The following TPTE variants were observed in gnomAD, a reference collection of about 807,000 sequenced individuals.
TPTE encodes putative tyrosine-protein phosphatase TPTE.
TPTE carries 59 observed loss-of-function variants against 84.1 expected under a neutral mutation model. The ratio of observed to expected loss-of-function variants is 0.70; its 90% CI spans 0.57 to 0.87. TPTE has a LOEUF of 0.87. Ranked by LOEUF, TPTE falls within the 40% of genes least tolerant of loss-of-function variation. The pLI is 0.00. For missense variants in TPTE, 382 were observed against 659.6 expected, an observed-to-expected ratio of 0.58 and a Z score of 4.61; for synonymous variants, 130 against 223.5, an observed-to-expected ratio of 0.58 and a Z score of 3.73.
At chr21:10,521,897 C>G (rs2073983747) in intron 1 of TPTE, among the ~76,000 whole-genome samples, 1 of 152,276 alleles carries the variant, frequency 6.6e-6, no homozygotes, top group Non-Finnish European at 1.5e-5. Context: ...GAGAAAAACT[C>G]CGCGACGCCT....
At chr21:10,595,073 C>T (rs1173333682) in intron 19 of TPTE, among the ~76,000 whole-genome samples, 7 of 152,404 alleles carry the variant, frequency 4.6e-5, no homozygotes, top group South Asian at 2.1e-4. Flanking sequence ...GACAGAGTCT[C>T]GCTCTGTCGC....
At chr21:10,581,297 G>T (rs4107028) in intron 17 of TPTE, among the ~76,000 whole-genome samples, 1 of 152,312 alleles carries the variant, frequency 6.6e-6, no homozygotes, top group South Asian at 2.1e-4. Context: ...ATTTCACATT[G>T]TCCAACCTAA....
intron 23 of TPTE, among the ~76,000 whole-genome samples, chr21:10,604,244 T>C (rs1422124311): frequency 6.6e-6 from 1 of 152,022 alleles, no homozygotes; most frequent in East Asian, 1.9e-4. Context: ...CAAAAAAACC[T>C]TCTGCCATAT....
At chr21:10,556,367 T>C (rs1163807093) in intron 8 of TPTE, among the ~76,000 whole-genome samples, 2 of 152,312 alleles carry the variant, frequency 1.3e-5, no homozygotes, top group Non-Finnish European at 2.9e-5. Context: ...ACAAAGGACA[T>C]GAACTCATCC....
At chr21:10,600,126 A>AT (rs1454812954) in intron 21 of TPTE, among the ~76,000 whole-genome samples, 1 of 150,110 alleles carries the variant, frequency 6.7e-6, no homozygotes, top group Admixed American at 6.6e-5. Flanking sequence ...TGTTTTTCCA[A>AT]TTTTTTTCTT....
intron 8 of TPTE, among the ~76,000 whole-genome samples, chr21:10,559,000 A>G (rs1169013935): frequency 6.6e-6 from 1 of 152,306 alleles, no homozygotes; most frequent in African/African-American, 2.4e-5. Context: ...CTCATATGTG[A>G]CTCATCTGTT....
intron 10 of TPTE, among the ~76,000 whole-genome samples, chr21:10,563,076 C>T (rs1334242395): frequency 1.4e-4 from 21 of 152,418 alleles, no homozygotes; most frequent in Middle Eastern, 3.4e-3. Flanking sequence ...TTAGTAGAAA[C>T]GTTTCAGGCC....
At chr21:10,562,384 G>A (rs1225537660) in intron 10 of TPTE, among the ~76,000 whole-genome samples, 1 of 152,308 alleles carries the variant, frequency 6.6e-6, no homozygotes, top group Non-Finnish European at 1.5e-5. Flanking sequence ...CACTATCCAG[G>A]AAAACATGAC....
chr21:10,551,017 GAAATT>G (rs150274534), intron 7 of TPTE, among the ~76,000 whole-genome samples: 2,291 of 151,312 alleles, frequency 0.015, no homozygotes, highest in East Asian at 0.15. Context: ...AGTGAAGAAA[GAAATT>G]AAGAATGAAA....
intron 2 of TPTE, among the ~76,000 whole-genome samples, chr21:10,525,203 A>T (rs2074057182): frequency 6.6e-6 from 1 of 152,312 alleles, no homozygotes; most frequent in Non-Finnish European, 1.5e-5. Flanking sequence ...GGTTTTTATT[A>T]GTGAAATTGG....
At chr21:10,580,168 C>G (rs2075245787) in intron 17 of TPTE, among the ~76,000 whole-genome samples, 1 of 152,308 alleles carries the variant, frequency 6.6e-6, no homozygotes, top group African/African-American at 2.4e-5. Context: ...TGAGAAATAT[C>G]TTTTCAGGTT....
chr21:10,599,649 C>T (rs1422826911), intron 21 of TPTE, among the ~76,000 whole-genome samples: 15 of 152,386 alleles, frequency 9.8e-5, no homozygotes, highest in East Asian at 5.8e-4. Flanking sequence ...TTTTCAACAA[C>T]GTCACTCTTA....
Position 10,538,745 on chromosome 21 carries a change from C to CGT in TPTE, c.11+12_11+13dup, listed in dbSNP as rs2074313229. ...ACGTATGAATGAAAGGTGAGTTATG[C>CGT]GTACGTGTGTCTTTATTTATCGAAT... On this transcript the variant is annotated intron_variant, in intron 4 of 23. Coordinates refer to ENST00000618007, the MANE Select transcript of TPTE (RefSeq NM_199261.4). The CGT allele has an allele frequency of 6.2e-7, 1 of 1,613,852 alleles. No individual in the cohort carries two copies. The highest frequency in any genetic ancestry group is 8.5e-7 in the Non-Finnish European group (1 of 1,179,804).
chr21:10,550,503 T>A (rs527346678), intron 7 of TPTE, among the ~76,000 whole-genome samples: 1 of 152,274 alleles, frequency 6.6e-6, no homozygotes, highest in South Asian at 2.1e-4. Context: ...TATTATGTAA[T>A]AATAAAGGGT....
chr21:10,557,038 T>A (rs2074698955), intron 8 of TPTE, among the ~76,000 whole-genome samples: 1 of 152,310 alleles, frequency 6.6e-6, no homozygotes, highest in East Asian at 1.9e-4. Flanking sequence ...GCAGAAGCTC[T>A]TTAGTTTAAT....
intron 3 of TPTE, among the ~76,000 whole-genome samples, chr21:10,528,006 C>T (rs1379625425): frequency 6.6e-6 from 1 of 152,202 alleles, no homozygotes; most frequent in Non-Finnish European, 1.5e-5. Context: ...ACATGATGAT[C>T]AGGTTCAGTA....
chr21:10,605,402 T>A lies in TPTE; in HGVS notation c.1521-15T>A, dbSNP rs201994607. On this transcript the variant is annotated splice_polypyrimidine_tract_variant and intron_variant, in intron 23 of 23. Coordinates refer to ENST00000618007, the MANE Select transcript of TPTE (RefSeq NM_199261.4). Reference sequence around the variant, plus strand: ...AGCCCCAATATAAAATGTAATAATTTTTTTCTATTCTTAGGCTTTATCTAC... The same window carrying A: ...AGCCCCAATATAAAATGTAATAATTATTTTCTATTCTTAGGCTTTATCTAC... 4,505 of 1,591,738 alleles carry A rather than the reference T, an allele frequency of 2.8e-3. No individual in the cohort carries two copies. Among genetic ancestry groups the A allele is most frequent in the Non-Finnish European group, 2.9e-3 (3,395 of 1,161,502 alleles).
At chr21:10,577,132 A>C (rs2075171921) in intron 14 of TPTE, among the ~76,000 whole-genome samples, 1 of 152,308 alleles carries the variant, frequency 6.6e-6, no homozygotes, top group Non-Finnish European at 1.5e-5. Context: ...AATTAGATTT[A>C]AACAAGATCC....
chr21:10,585,794 T>C (rs2075353372), intron 17 of TPTE, among the ~76,000 whole-genome samples: 1 of 152,312 alleles, frequency 6.6e-6, no homozygotes, highest in Non-Finnish European at 1.5e-5. Context: ...ATAATTTTAT[T>C]TCTTTTGCCC....
Sources: gnomAD v4.1 joint callset for allele counts (sites outside exome capture counted in the v4.1 genomes callset) on GRCh38, gnomAD v4.1.1 for gene constraint, MANE v1.5 for transcripts, NCBI Gene and HGNC (gene_info 2026-07-23, HGNC 2026-07-21) for gene names.